CNPY1: variants seen among roughly 807,000 people sequenced by gnomAD.
The protein encoded by CNPY1 is protein canopy homolog 1.
Under a neutral mutation model 14.4 loss-of-function variants are expected in CNPY1, and 14 were observed. The ratio of observed to expected loss-of-function variants is 0.97; its 90% confidence interval spans 0.64 to 1.52. The LOEUF is 1.52. Among genes scored for constraint, CNPY1 ranks in the 40% most tolerant of loss-of-function variants. The pLI is 0.00. For missense variants in CNPY1, 129 were observed against 131.5 expected (o/e 0.98, Z 0.09); for synonymous variants, 43 against 46.5 (o/e 0.92, Z 0.31).
chr7:155,529,323 C>T (rs1297764293), intron 2 of CNPY1, among the ~76,000 whole-genome samples: 1 of 152,216 alleles, frequency 6.6e-6, no homozygotes, highest in African/African-American at 2.4e-5. Context: ...CTTTGGCCAT[C>T]ACCCTCACCC....
rs991048307 is a variant in CNPY1, at chr7:155,545,951, A to G, written c.-14-8T>C. The G allele has an allele frequency of 1.8e-5, 7 of 398,460 alleles. No homozygotes were observed. Among genetic ancestry groups the G allele is most frequent in the African/African-American group, 1.4e-4 (7 of 48,610 alleles). 24.7% of individuals were successfully genotyped at this position (398,460 alleles called of 1,614,324 possible). A position where few individuals can be genotyped will look rare whatever the true frequency, so the allele number is the denominator to read the frequency against. On this transcript the variant is annotated splice_region_variant and splice_polypyrimidine_tract_variant and intron_variant, in intron 1 of 4. Coordinates refer to ENST00000636446, the MANE Select transcript of CNPY1 (RefSeq NM_001393663.1). ...CCATCAGCGCCCTGCACGCTAAACAAGACACAAAACAGCTGTGATCAGAGG... is the reference window on the plus strand; with the variant it reads ...CCATCAGCGCCCTGCACGCTAAACAGGACACAAAACAGCTGTGATCAGAGG...
At chr7:155,518,082 C>T (rs531672613) in intron 2 of CNPY1, among the ~76,000 whole-genome samples, 8 of 152,284 alleles carry the variant, frequency 5.3e-5, no homozygotes, top group South Asian at 2.1e-4. Context: ...AGAGCTTTCC[C>T]GTGAAGCTCT....
chr7:155,518,853 C>T (rs966117362), intron 2 of CNPY1, among the ~76,000 whole-genome samples: 2 of 152,168 alleles, frequency 1.3e-5, no homozygotes, highest in Non-Finnish European at 2.9e-5. Flanking sequence ...GGAAGGCTAC[C>T]TTGCGCAGGC....
Position 155,517,399 on chromosome 7 carries a change from T to C in CNPY1, c.100-8302A>G, listed in dbSNP as rs931415464. 2.6e-5 allele frequency among the ~76,000 whole-genome samples: 4 copies of C among 152,284 alleles called. No individual in the cohort carries two copies. The East Asian group carries it at 7.7e-4, about 29-fold the overall frequency. On this transcript the variant is annotated intron_variant, in intron 2 of 4. Coordinates refer to ENST00000636446, the MANE Select transcript of CNPY1 (RefSeq NM_001393663.1). ...GAGCCATGCAAGAATGAATTTCCAT[T>C]GTTAGTGGCTCCTGTCTGTGGGACT...
chr7:155,511,745 G>A (rs1356021456), intron 2 of CNPY1, among the ~76,000 whole-genome samples: 2 of 152,116 alleles, frequency 1.3e-5, no homozygotes, highest in African/African-American at 2.4e-5. Flanking sequence ...TACGATGTTC[G>A]TTAAAAACAG....
intron 2 of CNPY1, among the ~76,000 whole-genome samples, chr7:155,520,556 G>A (rs1435445888): frequency 1.3e-5 from 2 of 148,582 alleles, no homozygotes; most frequent in Non-Finnish European, 3.0e-5. Flanking sequence ...TCATGCCTCA[G>A]CCTCCCGAGT....
intron 2 of CNPY1, among the ~76,000 whole-genome samples, chr7:155,545,177 C>T (rs1053800807): frequency 1.2e-4 from 19 of 152,168 alleles, no homozygotes; most frequent in African/African-American, 4.6e-4. Context: ...TTGGGGAACA[C>T]CTTTCTAATA....
In CNPY1 at chr7:155,526,922, C is replaced by T. The variant is rs144261312; in HGVS notation, c.100-17825G>A. Among the ~76,000 whole-genome samples, 343 of 152,202 alleles carry T rather than the reference C, an allele frequency of 2.3e-3. 1 individual carries two copies. The highest frequency in any genetic ancestry group is 7.6e-3 in the African/African-American group (317 of 41,524). ...GGATGCAGCACCACGGAGGCTGCAG[C>T]GTCACTGTGTGGTGGCAAAACACCA... On this transcript the variant is annotated intron_variant, in intron 2 of 4. Transcript: ENST00000636446.
chr7:155,504,480 A>G lies in CNPY1; in HGVS notation c.401-1375T>C, dbSNP rs192016206. Among the ~76,000 whole-genome samples, 609 of 152,306 alleles carry G rather than the reference A, an allele frequency of 4.0e-3. 2 individuals carry two copies. The highest frequency in any genetic ancestry group is 6.9e-3 in the Non-Finnish European group (467 of 68,018). The stretch of plus-strand genomic sequence containing the variant: ...AAGAGAAATAATCTACATTAAGAAG[A>G]AAAAAAGCGAAACTCATATATAAAC... On this transcript the variant is annotated intron_variant, in intron 4 of 4. Coordinates refer to ENST00000636446, the MANE Select transcript of CNPY1 (RefSeq NM_001393663.1).
At chr7:155,512,739 G>T (rs983145543) in intron 2 of CNPY1, among the ~76,000 whole-genome samples, 1 of 152,172 alleles carries the variant, frequency 6.6e-6, no homozygotes, top group Non-Finnish European at 1.5e-5. Context: ...TGGTATATCT[G>T]TCTCTCCCAT....
At position 155,515,302 on chromosome 7, in the gene CNPY1, C is replaced by A. The variant is rs796934868; in HGVS notation, c.100-6205G>T. Among the ~76,000 whole-genome samples, 44 of 141,070 alleles carry A rather than the reference C, an allele frequency of 3.1e-4. 1 individual carries two copies. Among genetic ancestry groups the A allele is most frequent in the Non-Finnish European group, 3.0e-4 (19 of 64,332 alleles). 92.5% of individuals were successfully genotyped at this position (141,070 alleles called of 152,430 possible). Reference sequence around the variant, plus strand: ...GTCCTGGTCTCAAGGCCGCCCCCCCCCCCCCCGGCCCCGGCCAGGAACTCT... The same window carrying A: ...GTCCTGGTCTCAAGGCCGCCCCCCCACCCCCCGGCCCCGGCCAGGAACTCT... On this transcript the variant is annotated intron_variant, in intron 2 of 4. Coordinates refer to ENST00000636446, the MANE Select transcript of CNPY1 (RefSeq NM_001393663.1).
chr7:155,512,244 T>C (rs1296658072), intron 2 of CNPY1, among the ~76,000 whole-genome samples: 1 of 152,238 alleles, frequency 6.6e-6, no homozygotes, highest in Non-Finnish European at 1.5e-5. Context: ...AGTTTTCTTA[T>C]CTGCCATTGC....
chr7:155,540,375 A>G (rs1187991488), intron 2 of CNPY1, among the ~76,000 whole-genome samples: 2 of 152,270 alleles, frequency 1.3e-5, no homozygotes, highest in African/African-American at 4.8e-5. Flanking sequence ...AAATTAACTT[A>G]TCAGCAAATT....
At chr7:155,531,131 G>A (rs1796930520) in intron 2 of CNPY1, among the ~76,000 whole-genome samples, 2 of 152,272 alleles carry the variant, frequency 1.3e-5, no homozygotes, top group South Asian at 4.1e-4. Context: ...CAATCTGACT[G>A]TCCCCAGACA....
chr7:155,510,255 TCTC>T (rs905146470), intron 2 of CNPY1: 3 of 151,984 alleles, frequency 2.0e-5, no homozygotes, highest in Non-Finnish European at 4.4e-5. Context: ...TGGCCACAAA[TCTC>T]ATCAGCGGCG....
chr7:155,522,464 C>T (rs1048295340), intron 2 of CNPY1, among the ~76,000 whole-genome samples: 3 of 152,272 alleles, frequency 2.0e-5, no homozygotes, highest in Non-Finnish European at 1.5e-5. Flanking sequence ...GCTTCCATCC[C>T]AGCTCCAGTT....
At chr7:155,521,292 C>A (rs764229344) in intron 2 of CNPY1, among the ~76,000 whole-genome samples, 8 of 152,196 alleles carry the variant, frequency 5.3e-5, no homozygotes, top group Admixed American at 2.0e-4. Context: ...GAAGGACTGA[C>A]ATGAACAAAA....
In CNPY1 at chr7:155,527,030, T is replaced by TTTTCTTTCTTTC. The variant is rs1554449557; in HGVS notation, c.100-17945_100-17934dup. Among the ~76,000 whole-genome samples, 439 of 83,254 alleles carry TTTTCTTTCTTTC rather than the reference T, an allele frequency of 5.3e-3. 40 individuals carry two copies. The highest frequency in any genetic ancestry group is 0.021 in the Middle Eastern group (3 of 142). 54.6% of individuals were successfully genotyped at this position (83,254 alleles called of 152,430 possible). The stretch of plus-strand genomic sequence containing the variant: ...TAGGCAGCCATGCTTTTCTTTTCTT[T>TTTTCTTTCTTTC]TTTCTTTCTTTCTTTCTTTCTTTCT... On this transcript the variant is annotated intron_variant, in intron 2 of 4. Coordinates refer to ENST00000636446, the MANE Select transcript of CNPY1 (RefSeq NM_001393663.1).
chr7:155,509,985 A>T (rs924092411), intron 2 of CNPY1, among the ~76,000 whole-genome samples: 3 of 152,118 alleles, frequency 2.0e-5, no homozygotes, highest in Non-Finnish European at 4.4e-5. Context: ...GGAGCCGCCA[A>T]GGGCGCCGGA....
Sources: allele counts gnomAD v4.1 joint callset (sites outside exome capture counted in the v4.1 genomes callset), GRCh38; gene constraint gnomAD v4.1.1; transcripts MANE v1.5; gene names NCBI Gene and HGNC (gene_info 2026-07-23, HGNC 2026-07-21).